The following HEG1 variants were observed in gnomAD, a reference collection of about 807,000 sequenced individuals.
HEG1 encodes protein HEG homolog 1.
In HEG1, 56 loss-of-function variants were observed where a neutral mutation model predicts 125.6. The observed-to-expected ratio is 0.45, with a 90% CI of 0.36 to 0.56. The LOEUF (loss-of-function observed/expected upper bound fraction) is 0.56, where lower values mean the gene tolerates loss of function less well. HEG1 is among the 20% of genes least tolerant of loss of function. The pLI, the probability that HEG1 is intolerant of heterozygous loss-of-function variation, is 0.00. For missense variants in HEG1, 1,523 were observed against 1,670.0 expected (o/e 0.91, Z 1.53); for synonymous variants, 644 against 668.5 (o/e 0.96, Z 0.57).
At chr3:124,986,743 T>C (rs945709472) in intron 14 of HEG1, among the ~76,000 whole-genome samples, 5 of 152,016 alleles carry the variant, frequency 3.3e-5, no homozygotes, top group Admixed American at 1.3e-4. Context: ...CTTGGACAAA[T>C]GGGAAGGAAA....
At chr3:124,971,078 G>C in intron 16 of HEG1, 1 of 543,738 alleles carries the variant, frequency 1.8e-6, no homozygotes, top group East Asian at 4.6e-5. Flanking sequence ...GTTGCAGGTG[G>C]AGTTAGGACC....
At chr3:125,009,869 A>G (rs1937126093) in intron 7 of HEG1, 45 bp from the exon 8 acceptor site, 19 of 1,574,760 alleles carry the variant, frequency 1.2e-5, no homozygotes, top group Non-Finnish European at 1.6e-5. Context: ...TGTAGCAAAC[A>G]GCAAAACCAT....
chr3:124,992,373 A>G (rs1936849146), intron 12 of HEG1, among the ~76,000 whole-genome samples: 1 of 152,260 alleles, frequency 6.6e-6, no homozygotes, highest in East Asian at 1.9e-4. Context: ...ACCATGAGCT[A>G]TAATGCATGC....
Position 125,012,817 on chromosome 3 carries a change from G to C in HEG1, c.2762C>G (p.Pro921Arg), listed in dbSNP as rs754558235. 6.2e-7 allele frequency: 1 copy of C among 1,613,966 alleles called. No individual in the cohort carries two copies. The highest frequency in any genetic ancestry group is 1.7e-5 in the Admixed American group (1 of 60,010). ...TGTGGTCATTTCTTTTGCTGATGTG[G>C]GTACACTGGTCAAAGGGATCAATCC... ...TTGLIPLTSV[P>R]TSAKEMTTKL... is the part of the protein sequence containing the mutation. The change falls in exon 6 of 17, where the codon CCC becomes CGC. Residue 921 changes from proline to arginine, a missense_variant. Transcript: ENST00000311127.
intron 14 of HEG1, among the ~76,000 whole-genome samples, chr3:124,978,859 T>A (rs1429884551): frequency 1.4e-5 from 2 of 142,538 alleles, no homozygotes; most frequent in African/African-American, 2.6e-5. Flanking sequence ...GTAATGGAGA[T>A]AACGCAGAAT....
intron 6 of HEG1, among the ~76,000 whole-genome samples, chr3:125,011,001 C>T (rs1276150452): frequency 6.6e-6 from 1 of 152,328 alleles, no homozygotes; most frequent in Non-Finnish European, 1.5e-5. Flanking sequence ...GTGCCCTGCC[C>T]TTTCTCTTGG....
intron 3 of HEG1, among the ~76,000 whole-genome samples, chr3:125,024,875 T>C (rs1246927365): frequency 6.6e-6 from 1 of 152,262 alleles, no homozygotes; most frequent in African/African-American, 2.4e-5. Context: ...CTCCTCTCCA[T>C]GCCAGGCTCC....
intron 5 of HEG1, among the ~76,000 whole-genome samples, chr3:125,017,864 T>TAA (rs1285881755): frequency 7.4e-4 from 99 of 134,610 alleles, no homozygotes; most frequent in Non-Finnish European, 1.3e-3. Context: ...ACTGAAAATA[T>TAA]AAAAAAAAAA....
intron 3 of HEG1, among the ~76,000 whole-genome samples, chr3:125,021,387 C>G (rs187819115): frequency 6.6e-6 from 1 of 152,010 alleles, no homozygotes; most frequent in East Asian, 1.9e-4. Context: ...GAAGCTTATA[C>G]GTTGTTTGCA....
intron 1 of HEG1, among the ~76,000 whole-genome samples, chr3:125,039,237 A>T (rs1937572672): frequency 6.6e-6 from 1 of 152,032 alleles, no homozygotes; most frequent in Non-Finnish European, 1.5e-5. Flanking sequence ...GTTCCAAAAC[A>T]TCTGTTTGTG....
chr3:124,990,744 C>T (rs201341943), intron 14 of HEG1, 43 bp downstream of exon 14: 17 of 1,547,572 alleles, frequency 1.1e-5, no homozygotes, highest in Non-Finnish European at 1.4e-5. Flanking sequence ...ACAACAGGGC[C>T]AGGCCCCTGC....
intron 1 of HEG1, among the ~76,000 whole-genome samples, chr3:125,048,673 C>T (rs967354057): frequency 3.3e-5 from 5 of 152,190 alleles, no homozygotes; most frequent in East Asian, 1.9e-4. Context: ...CTAAGTACAA[C>T]GCAAAGCTCT....
At chr3:125,005,217 T>A (rs905447493) in intron 9 of HEG1, 48 bp downstream of exon 9, 10 of 1,143,060 alleles carry the variant, frequency 8.7e-6, no homozygotes, top group Admixed American at 4.3e-5. Context: ...ATAAAATCTG[T>A]TCTAGGAAAC....
intron 8 of HEG1, among the ~76,000 whole-genome samples, chr3:125,009,286 GTT>G (rs545544032): frequency 1.5e-5 from 2 of 136,328 alleles, no homozygotes; most frequent in Non-Finnish European, 1.6e-5. Flanking sequence ...CATCTAAATT[GTT>G]TTTTTTTTTT....
chr3:124,982,240 C>T lies in HEG1; in HGVS notation c.3734-4294G>A, dbSNP rs145767227. 5.3e-5 allele frequency among the ~76,000 whole-genome samples: 8 copies of T among 152,352 alleles called. No homozygotes were observed. In the East Asian group the frequency reaches 1.5e-3, roughly 29 times the overall value. On this transcript the variant is annotated intron_variant, in intron 14 of 16. Transcript: ENST00000311127. ...AAAGAGTACATTTGAAGTTCTTTGG[C>T]AGCCATGTCACTGTAACCTTGTAAT...
At chr3:124,998,072 C>T (rs761543792) in intron 11 of HEG1, among the ~76,000 whole-genome samples, 4 of 152,184 alleles carry the variant, frequency 2.6e-5, no homozygotes, top group Non-Finnish European at 4.4e-5. Context: ...ACCCTCACAG[C>T]GTGCCACGGA....
At chr3:124,977,968 A>G in intron 14 of HEG1, 22 bp from the exon 15 acceptor site, 1 of 1,530,804 alleles carries the variant, frequency 6.5e-7, no homozygotes, top group South Asian at 1.2e-5. Flanking sequence ...ACAAACAAAA[A>G]AGCATATTGG....
chr3:124,987,974 T>TATATATATAC (rs1285591949), intron 14 of HEG1, among the ~76,000 whole-genome samples: 2 of 120,040 alleles, frequency 1.7e-5, no homozygotes, highest in African/African-American at 5.8e-5. Context: ...TATATATATA[T>TATATATATAC]ACCATGTAGT....
Position 125,020,850 on chromosome 3 carries a change from T to A in HEG1, c.1194A>T (p.Glu398Asp), listed in dbSNP as rs1470920852. The change falls in exon 4 of 17, where the codon GAA becomes GAT. Residue 398 changes from glutamate (E) to aspartate (D), a missense_variant. Coordinates refer to ENST00000311127, the MANE Select transcript of HEG1 (RefSeq NM_020733.2). Reference protein sequence around the residue: ...TGNPGDEEFIEPSTENEFGLT... With the variant: ...TGNPGDEEFIDPSTENEFGLT... ...GTCCAAATTCATTTTCTGTGGATGG[T>A]TCAATGAATTCCTCATCCCCTGGAT... 1 of 1,613,828 alleles carries A rather than the reference T, an allele frequency of 6.2e-7. No homozygotes were observed. Among genetic ancestry groups the A allele is most frequent in the East Asian group, 2.2e-5 (1 of 44,876 alleles).
Sources: gnomAD v4.1 joint callset for allele counts (sites outside exome capture counted in the v4.1 genomes callset) on GRCh38, gnomAD v4.1.1 for gene constraint, MANE v1.5 for transcripts, NCBI Gene and HGNC (gene_info 2026-07-23, HGNC 2026-07-21) for gene names.